The following ESF1 variants were observed in gnomAD, a reference collection of about 807,000 sequenced individuals.
ESF1 encodes ESF1 nucleolar pre-rRNA processing protein.
Under a neutral mutation model 92.0 loss-of-function variants are expected in ESF1, and 58 were observed. The ratio of observed to expected loss-of-function variants is 0.63; its 90% CI spans 0.51 to 0.78. The LOEUF (loss-of-function observed/expected upper bound fraction) is 0.78, where lower values mean the gene tolerates loss of function less well. Ranked by LOEUF, ESF1 falls within the 30% of genes least tolerant of loss-of-function variation. ESF1 has a pLI of 0.00. For synonymous variants in ESF1, 321 were observed against 313.7 expected, an observed-to-expected ratio of 1.02 and a Z score of -0.24; for missense variants, 922 against 989.1, an observed-to-expected ratio of 0.93 and a Z score of 0.91.
rs6105164 is a variant in ESF1 at position 13,769,904 on chromosome 20, T to C, written c.1518+3A>G. 1.3e-6 allele frequency: 2 copies of C among 1,583,674 alleles called. No homozygotes were observed. Among genetic ancestry groups the C allele is most frequent in the Non-Finnish European group, 1.7e-6 (2 of 1,154,374 alleles). ...CTACATATTTTTTAAAGTAAAGAAATACCGTTGATGTTCCCATTGCAGCAG... is the reference window on the plus strand; with the variant it reads ...CTACATATTTTTTAAAGTAAAGAAACACCGTTGATGTTCCCATTGCAGCAG... On this transcript the variant is annotated splice_donor_region_variant and intron_variant, in intron 7 of 13. Coordinates refer to ENST00000617257, the MANE Select transcript of ESF1 (RefSeq NM_001276380.2).
intron 2 of ESF1, among the ~76,000 whole-genome samples, chr20:13,777,436 T>C (rs147004391): frequency 1.9e-4 from 29 of 152,222 alleles, no homozygotes; most frequent in African/African-American, 6.5e-4. Context: ...ATATGTTGAA[T>C]ACGAAGTGCC....
intron 2 of ESF1, among the ~76,000 whole-genome samples, chr20:13,779,824 TGTGCCCAGCCAGTTACC>T (rs1342387303): frequency 2.0e-5 from 3 of 152,248 alleles, no homozygotes; most frequent in Non-Finnish European, 4.4e-5. Flanking sequence ...GGTGAGCCAC[TGTGCCCAGCCAGTTACC>T]GTTTTATTTT....
chr20:13,738,212 T>TG, intron 9 of ESF1, among the ~76,000 whole-genome samples: 1 of 152,244 alleles, frequency 6.6e-6, no homozygotes, highest in East Asian at 1.9e-4. Context: ...ATAAGCCAAG[T>TG]GATCAATCTT....
intron 9 of ESF1, among the ~76,000 whole-genome samples, chr20:13,746,951 T>C (rs1359805333): frequency 6.6e-6 from 1 of 152,192 alleles, no homozygotes; most frequent in Non-Finnish European, 1.5e-5. Context: ...AAGAAAGCAG[T>C]ACCTTCCCAA....
intron 11 of ESF1, among the ~76,000 whole-genome samples, chr20:13,726,657 T>C (rs1267035738): frequency 6.6e-6 from 1 of 152,208 alleles, no homozygotes; most frequent in Non-Finnish European, 1.5e-5. Context: ...CCAGACTCCA[T>C]GAGGGATGCA....
At chr20:13,771,252 C>CACT in intron 6 of ESF1, 79 bp downstream of exon 6, 1 of 1,310,248 alleles carries the variant, frequency 7.6e-7, no homozygotes, top group Non-Finnish European at 1.1e-6. Context: ...AAACAGAGAT[C>CACT]ACTACCAGTT....
chr20:13,718,711 T>C (rs1339634486), intron 12 of ESF1, among the ~76,000 whole-genome samples, 197 bp downstream of exon 12: 1 of 149,402 alleles, frequency 6.7e-6, no homozygotes, highest in Non-Finnish European at 1.5e-5. Context: ...TTGTACAATT[T>C]GGAGAAATTA....
chr20:13,758,629 C>T (rs1043981896), intron 9 of ESF1, among the ~76,000 whole-genome samples: 2 of 152,174 alleles, frequency 1.3e-5, no homozygotes, highest in Non-Finnish European at 2.9e-5. Flanking sequence ...TAACAGAACA[C>T]CTTTAAGTTT....
Position 13,769,934 on chromosome 20 carries a change from G to A in ESF1, c.1491C>T (p.Phe497=). The A allele has an allele frequency of 6.2e-7, 1 of 1,611,262 alleles. No individual in the cohort carries two copies. The highest frequency in any genetic ancestry group is 8.5e-7 in the Non-Finnish European group (1 of 1,178,700). The change falls in exon 7 of 14, where the codon TTC becomes TTT. Residue 497 remains phenylalanine (F), a synonymous_variant. Coordinates refer to ENST00000617257, the MANE Select transcript of ESF1 (RefSeq NM_001276380.2). The part of the protein sequence containing the change: ...VNLTAYKPKY[F]TSAAMGTSTV... ...TTGATGTTCCCATTGCAGCAGAAGT[G>A]AAATATTTTGGTTTATATGCTGTTA...
At chr20:13,748,888 C>G (rs1167871214) in intron 9 of ESF1, among the ~76,000 whole-genome samples, 1 of 151,478 alleles carries the variant, frequency 6.6e-6, no homozygotes, top group East Asian at 1.9e-4. Context: ...TGCCCAGCCC[C>G]TCAAAGGCTA....
intron 9 of ESF1, among the ~76,000 whole-genome samples, chr20:13,734,141 G>C (rs2049961777): frequency 6.6e-6 from 1 of 152,128 alleles, no homozygotes; most frequent in Admixed American, 6.5e-5. Context: ...ACTGTATTTA[G>C]GCTCAGCCTT....
chr20:13,762,859 T>G (rs1214881079), intron 8 of ESF1: 3 of 327,870 alleles, frequency 9.1e-6, no homozygotes, highest in African/African-American at 7.4e-5. Flanking sequence ...TTAAAGTTTT[T>G]TTTTTTTTTT....
At chr20:13,762,863 T>TG (rs1979263315) in intron 8 of ESF1, 1 of 338,712 alleles carries the variant, frequency 3.0e-6, no homozygotes, top group African/African-American at 2.4e-5. Context: ...AGTTTTTTTT[T>TG]TTTTTTTTTT....
intron 2 of ESF1, 121 bp downstream of exon 2, chr20:13,782,383 A>T (rs571292545): frequency 1.3e-6 from 1 of 782,042 alleles, no homozygotes; most frequent in East Asian, 3.2e-5. Context: ...GTATTTCCAG[A>T]TAAGCATTTG....
Position 13,782,764 on chromosome 20 carries a change from T to C in ESF1, c.377A>G (p.Glu126Gly). The C allele has an allele frequency of 6.3e-7, 1 of 1,599,190 alleles. No homozygotes were observed. Among genetic ancestry groups the C allele is most frequent in the Admixed American group, 1.8e-5 (1 of 56,618 alleles). ...AGAATTATCTAAATCAGTTTTATTT[T>C]CAGAACCCTTGTGATTAGCCTTCTT... Reference protein sequence around the residue: ...ETKKANHKGSENKTDLDNSIG... With the variant: ...ETKKANHKGSGNKTDLDNSIG... The change falls in exon 2 of 14, where the codon GAA becomes GGA. Residue 126 changes from glutamate (E) to glycine (G), a missense_variant. Physicochemically the swap from Glu to Gly is moderately conservative, Grantham distance 98. Transcript: ENST00000617257.
At chr20:13,725,423 T>A (rs2049894879) in intron 11 of ESF1, among the ~76,000 whole-genome samples, 1 of 152,218 alleles carries the variant, frequency 6.6e-6, no homozygotes, top group Non-Finnish European at 1.5e-5. Context: ...TCCACGTCTT[T>A]GCTCCCCTTC....
In ESF1 at chr20:13,780,853, G is replaced by A. The variant is rs142223220; in HGVS notation, c.637+1651C>T. Reference sequence around the variant, plus strand: ...AAACACGTAATGCAAACTAGAGCCAGCTGTCTCTCACCTAGTTCCAAACAA... The same window carrying A: ...AAACACGTAATGCAAACTAGAGCCAACTGTCTCTCACCTAGTTCCAAACAA... On this transcript the variant is annotated intron_variant, in intron 2 of 13. Coordinates refer to ENST00000617257, the MANE Select transcript of ESF1 (RefSeq NM_001276380.2). Among the ~76,000 whole-genome samples the A allele has an allele frequency of 2.2e-3, 328 of 152,344 alleles. 2 individuals are homozygous for A. The highest frequency in any genetic ancestry group is 6.8e-3 in the Admixed American group (104 of 15,298).
chr20:13,719,517 G>C (rs1382194625), intron 11 of ESF1, among the ~76,000 whole-genome samples: 2 of 151,910 alleles, frequency 1.3e-5, no homozygotes, highest in Non-Finnish European at 2.9e-5. Flanking sequence ...ATAAAATATA[G>C]CATCATCATT....
At chr20:13,770,456 C>A (rs984143696) in intron 6 of ESF1, among the ~76,000 whole-genome samples, 2 of 152,180 alleles carry the variant, frequency 1.3e-5, no homozygotes, top group African/African-American at 4.8e-5. Context: ...GAAGTCTCAA[C>A]GGCCTGGGCT....
Sources: gnomAD v4.1 joint callset for allele counts (sites outside exome capture counted in the v4.1 genomes callset) on GRCh38, gnomAD v4.1.1 for gene constraint, MANE v1.5 for transcripts, NCBI Gene and HGNC (gene_info 2026-07-23, HGNC 2026-07-21) for gene names.